The following FAT3 variants were observed in gnomAD, a reference collection of about 807,000 sequenced individuals.
The protein encoded by FAT3 is protocadherin Fat 3.
In FAT3, 95 loss-of-function variants were observed where a neutral mutation model predicts 310.2. The observed-to-expected ratio is 0.31, with a 90% CI of 0.26 to 0.36. The LOEUF (loss-of-function observed/expected upper bound fraction) is 0.36. Ranked by LOEUF, FAT3 falls within the 10% of genes least tolerant of loss-of-function variation. The pLI is 1.00. For synonymous variants in FAT3, 2,314 were observed against 2,192.9 expected (o/e 1.06, Z -1.54); for missense variants, 5,408 against 5,715.6 (o/e 0.95, Z 1.74).
chr11:92,236,354 A>G (rs1414840984), intron 1 of FAT3, among the ~76,000 whole-genome samples: 1 of 152,192 alleles, frequency 6.6e-6, no homozygotes, highest in Non-Finnish European at 1.5e-5. Flanking sequence ...AATAGATAAA[A>G]ATGCAAGTCT....
chr11:92,819,684 T>C (rs1947910658), intron 13 of FAT3, among the ~76,000 whole-genome samples: 1 of 152,226 alleles, frequency 6.6e-6, no homozygotes, highest in Admixed American at 6.5e-5. Context: ...TGTGAATTTC[T>C]TTTTATATAT....
intron 4 of FAT3, among the ~76,000 whole-genome samples, chr11:92,757,220 G>T (rs539993085): frequency 6.6e-6 from 1 of 151,988 alleles, no homozygotes; most frequent in African/African-American, 2.4e-5. Context: ...CACTGCACCC[G>T]GCCTATTTGT....
chr11:92,350,051 T>G (rs535892366), intron 1 of FAT3, among the ~76,000 whole-genome samples: 6 of 151,878 alleles, frequency 4.0e-5, no homozygotes, highest in African/African-American at 7.2e-5. Flanking sequence ...TCTGCTAGAC[T>G]CTATCAATGA....
intron 3 of FAT3, among the ~76,000 whole-genome samples, chr11:92,555,241 A>G (rs1591443146): frequency 6.6e-6 from 1 of 152,230 alleles, no homozygotes; most frequent in African/African-American, 2.4e-5. Flanking sequence ...GATTGTCACT[A>G]CAATAATGTA....
chr11:92,336,528 A>G (rs1948089149), intron 1 of FAT3: 1 of 210,878 alleles, frequency 4.7e-6, no homozygotes, highest in South Asian at 8.2e-5. Context: ...TCCAACTCCT[A>G]TAGACTCTAT....
At chr11:92,241,019 A>G (rs1445775048) in intron 1 of FAT3, among the ~76,000 whole-genome samples, 1 of 151,970 alleles carries the variant, frequency 6.6e-6, no homozygotes, top group Non-Finnish European at 1.5e-5. Flanking sequence ...AAAATAAAGC[A>G]TGGATTAGAA....
rs756653928 is a variant in FAT3 at position 92,353,326 on chromosome 11, T to C, written c.1214T>C (p.Ile405Thr). 13 of 1,613,682 alleles carry C rather than the reference T, an allele frequency of 8.1e-6. No individual in the cohort carries two copies. The highest frequency in any genetic ancestry group is 1.1e-5 in the Non-Finnish European group (13 of 1,179,832). Reference protein sequence around the residue: ...VAIVKLSPEPIDVEYKLSPGE... With the variant: ...VAIVKLSPEPTDVEYKLSPGE... ...ATAGTAAAATTAAGTCCTGAACCGATAGATGTGGAATACAAATTATCTCCT... is the reference window on the plus strand; with the variant it reads ...ATAGTAAAATTAAGTCCTGAACCGACAGATGTGGAATACAAATTATCTCCT... Residue 405 changes from isoleucine (I) to threonine (T), a missense_variant, in exon 2 of 28, where the codon ATA becomes ACA. Transcript: ENST00000525166.
At chr11:92,364,050 G>A (rs1222033191) in intron 2 of FAT3, among the ~76,000 whole-genome samples, 1 of 152,006 alleles carries the variant, frequency 6.6e-6, no homozygotes. Flanking sequence ...CTGTAATTAT[G>A]TCTTCATTGT....
intron 22 of FAT3, among the ~76,000 whole-genome samples, chr11:92,871,984 A>C (rs767225788): frequency 2.6e-5 from 4 of 152,066 alleles, no homozygotes; most frequent in Non-Finnish European, 4.4e-5. Context: ...AAATTAGTAT[A>C]AAGGTGGAGC....
chr11:92,689,937 G>A (rs1943749724), intron 3 of FAT3, among the ~76,000 whole-genome samples: 1 of 152,172 alleles, frequency 6.6e-6, no homozygotes, highest in African/African-American at 2.4e-5. Context: ...TCAATCTAGT[G>A]TAGCAGTAGA....
intron 1 of FAT3, among the ~76,000 whole-genome samples, chr11:92,277,485 A>G (rs1195009067): frequency 6.6e-6 from 1 of 152,194 alleles, no homozygotes; most frequent in African/African-American, 2.4e-5. Context: ...TGGATTGAAT[A>G]AAGGAAATGT....
intron 4 of FAT3, among the ~76,000 whole-genome samples, chr11:92,727,980 G>C (rs1046814416): frequency 8.5e-5 from 13 of 152,100 alleles, no homozygotes; most frequent in Admixed American, 6.6e-4. Flanking sequence ...CTTTGAGAGA[G>C]CATGCTGGCC....
intron 2 of FAT3, among the ~76,000 whole-genome samples, chr11:92,365,329 A>G (rs1044910295): frequency 2.6e-5 from 4 of 152,182 alleles, no homozygotes; most frequent in African/African-American, 7.2e-5. Context: ...CACATACCCT[A>G]AAAGATATGG....
rs973752086 is a variant in FAT3, at chr11:92,388,910, T to A, written c.3292+33506T>A. On this transcript the variant is annotated intron_variant, in intron 2 of 27. Transcript: ENST00000525166. ...ATGTCCCTTTCCCTGAACTGGACTTTCTTTCCATTTTATCTGTGCTGCTTC... is the reference window on the plus strand; with the variant it reads ...ATGTCCCTTTCCCTGAACTGGACTTACTTTCCATTTTATCTGTGCTGCTTC... 3.3e-5 allele frequency among the ~76,000 whole-genome samples: 5 copies of A among 152,170 alleles called. No individual in the cohort carries two copies. The South Asian group carries it at 6.2e-4, about 19-fold the overall frequency.
At chr11:92,454,459 A>G (rs998993801) in intron 2 of FAT3, among the ~76,000 whole-genome samples, 2 of 152,196 alleles carry the variant, frequency 1.3e-5, no homozygotes, top group Non-Finnish European at 2.9e-5. Flanking sequence ...TAAAAGACAT[A>G]TAGGAACTCA....
In FAT3 at chr11:92,224,842, G is replaced by A. The variant is rs1051522340; in HGVS notation, c.-350G>A. 6.6e-6 allele frequency among the ~76,000 whole-genome samples: 1 copy of A among 152,092 alleles called. No homozygotes were observed. Among genetic ancestry groups the A allele is most frequent in the South Asian group, 2.1e-4 (1 of 4,834 alleles). On this transcript the variant is annotated 5_prime_UTR_variant, in exon 1 of 28. Transcript: ENST00000525166. ...CAGTAGCGGCGGCGGCTGCAGCTCG[G>A]AGCAGACAGGAGAGCCGGCGCTCCT... is the stretch of plus-strand genomic sequence containing the variant.
intron 12 of FAT3, among the ~76,000 whole-genome samples, chr11:92,809,188 A>T (rs1947594753): frequency 6.6e-6 from 1 of 152,148 alleles, no homozygotes. Flanking sequence ...TCCACGCGGG[A>T]TGCTAAGGAA....
At chr11:92,369,477 T>A (rs552878830) in intron 2 of FAT3, among the ~76,000 whole-genome samples, 6 of 152,242 alleles carry the variant, frequency 3.9e-5, no homozygotes, top group East Asian at 3.9e-4. Context: ...AGACCAAGTT[T>A]GTATGTGAGT....
intron 1 of FAT3, among the ~76,000 whole-genome samples, chr11:92,289,742 T>C (rs1244284037): frequency 6.6e-6 from 1 of 152,054 alleles, no homozygotes; most frequent in Non-Finnish European, 1.5e-5. Context: ...ACCCTCAGCT[T>C]TGGGGCCCAT....
Sources: gnomAD v4.1 joint callset for allele counts (sites outside exome capture counted in the v4.1 genomes callset) on GRCh38, gnomAD v4.1.1 for gene constraint, MANE v1.5 for transcripts, NCBI Gene and HGNC (gene_info 2026-07-23, HGNC 2026-07-21) for gene names.